GPLD1: variants seen among roughly 807,000 people sequenced by gnomAD.
GPLD1 encodes phosphatidylinositol-glycan-specific phospholipase D.
In GPLD1, 84 loss-of-function variants were observed where a neutral mutation model predicts 112.6. That is an observed-to-expected ratio of 0.75 (90% CI 0.63 to 0.89). The LOEUF (loss-of-function observed/expected upper bound fraction) is 0.89. Among genes scored for constraint, GPLD1 ranks in the 40% least tolerant of loss-of-function variants. The pLI is 0.00. For missense variants in GPLD1, 1,044 were observed against 1,051.5 expected, an observed-to-expected ratio of 0.99 and a Z score of 0.10; for synonymous variants, 386 against 403.8, an observed-to-expected ratio of 0.96 and a Z score of 0.53.
chr6:24,428,061 A>G lies in GPLD1; in HGVS notation c.*971T>C, dbSNP rs560191469. The stretch of plus-strand genomic sequence containing the variant: ...CTTCACATGTACCACTGAACCTAAA[A>G]TAAAAGTTAAAAAGGACTAAGTCAC... On this transcript the variant is annotated 3_prime_UTR_variant, in exon 25 of 25. Coordinates refer to ENST00000230036, the MANE Select transcript of GPLD1 (RefSeq NM_001503.4). The G allele has an allele frequency of 9.9e-5, 15 of 152,158 alleles. No individual in the cohort carries two copies. The highest frequency in any genetic ancestry group is 2.9e-4 in the African/African-American group (12 of 41,516). 9.4% of individuals were successfully genotyped at this position (152,158 alleles called of 1,614,324 possible).
At chr6:24,450,809 T>C (rs1763055696) in intron 14 of GPLD1, among the ~76,000 whole-genome samples, 1 of 152,044 alleles carries the variant, frequency 6.6e-6, no homozygotes, top group African/African-American at 2.4e-5. Flanking sequence ...TCATGTCTAC[T>C]AAAAATACAA....
At chr6:24,458,276 G>A (rs557024157) in intron 12 of GPLD1, among the ~76,000 whole-genome samples, 4 of 152,240 alleles carry the variant, frequency 2.6e-5, no homozygotes, top group Admixed American at 2.0e-4. Flanking sequence ...GCACGAGTAT[G>A]CCTTCTGCTT....
At chr6:24,464,735 G>T (rs141048309) in intron 10 of GPLD1, among the ~76,000 whole-genome samples, 1 of 152,098 alleles carries the variant, frequency 6.6e-6, no homozygotes, top group African/African-American at 2.4e-5. Context: ...CACAGGTCCC[G>T]CCCAGAGAAC....
intron 2 of GPLD1, 69 bp from the exon 3 acceptor site, chr6:24,480,028 A>C: frequency 7.9e-6 from 7 of 886,470 alleles, no homozygotes; most frequent in Non-Finnish European, 1.1e-5. Flanking sequence ...GGCCCCACCA[A>C]TTTTCTGTGA....
At position 24,489,443 on chromosome 6, in the gene GPLD1, C is replaced by G; in HGVS notation, c.69G>C (p.Pro23=). Residue 23 remains proline (P), a synonymous_variant, in exon 1 of 25, where the codon CCG becomes CCC. Transcript: ENST00000230036. ...MLGSLCHRGS[P]CGLSTHVEIG... is the part of the protein sequence containing the mutation. ...TTTCTACGTGTGTTGAAAGGCCACA[C>G]GGTGAACCTCTATGGCAGAGAGAAC... The G allele has an allele frequency of 6.2e-7, 1 of 1,613,106 alleles. No homozygotes were observed. The highest frequency in any genetic ancestry group is 8.5e-7 in the Non-Finnish European group (1 of 1,179,062).
At chr6:24,441,660 A>G (rs1762749464) in intron 20 of GPLD1, among the ~76,000 whole-genome samples, 1 of 152,356 alleles carries the variant, frequency 6.6e-6, no homozygotes, top group Non-Finnish European at 1.5e-5. Context: ...AAAGCTGTAC[A>G]GTGCCGAGAG....
At chr6:24,478,181 G>C (rs1764084871) in intron 3 of GPLD1, among the ~76,000 whole-genome samples, 1 of 152,132 alleles carries the variant, frequency 6.6e-6, no homozygotes, top group Non-Finnish European at 1.5e-5. Context: ...GCTATCAAGG[G>C]ACAGTAGAGC....
rs539431621 is a variant in GPLD1 at position 24,434,713 on chromosome 6, C to T, written c.2359-1324G>A. 9.9e-5 allele frequency among the ~76,000 whole-genome samples: 15 copies of T among 151,670 alleles called. No homozygotes were observed. The East Asian group carries it at 3.0e-3, about 30-fold the overall frequency. ...ATTAGCCAGGCGTGGTAGTGGGCGC[C>T]TGTAGCCCCAGCTACTTGGGAGGCT... On this transcript the variant is annotated intron_variant, in intron 22 of 24. Transcript: ENST00000230036.
upstream of GPLD1, among the ~76,000 whole-genome samples, chr6:24,489,918 T>C (rs2744571): frequency 0.23 from 34,735 of 152,072 alleles, 4,479 homozygotes; most frequent in Non-Finnish European, 0.3. Flanking sequence ...GTCAACATAT[T>C]AGACCACCTC....
intron 13 of GPLD1, among the ~76,000 whole-genome samples, chr6:24,456,078 G>A (rs11755040): frequency 0.22 from 33,764 of 151,988 alleles, 4,732 homozygotes; most frequent in Middle Eastern, 0.31. Flanking sequence ...TCATTGACAA[G>A]CAAGGTGCTA....
At chr6:24,464,114 T>TAAG (rs1763520733) in intron 10 of GPLD1, among the ~76,000 whole-genome samples, 1 of 152,210 alleles carries the variant, frequency 6.6e-6, no homozygotes, top group South Asian at 2.1e-4. Context: ...AACATGCCCT[T>TAAG]ATGTTATGAG....
intron 1 of GPLD1, among the ~76,000 whole-genome samples, chr6:24,486,458 T>C (rs1245788166): frequency 6.6e-6 from 1 of 151,994 alleles, no homozygotes; most frequent in African/African-American, 2.4e-5. Context: ...ACCGTATAGG[T>C]TGGTTGAAAT....
In GPLD1 at chr6:24,448,145, TG is replaced by T; in HGVS notation, c.1509del (p.Ile504PhefsTer19). The T allele has an allele frequency of 2.5e-6, 4 of 1,611,176 alleles. No homozygotes were observed. The highest frequency in any genetic ancestry group is 3.4e-6 in the Non-Finnish European group (4 of 1,179,176). On this transcript the variant is annotated frameshift_variant, in exon 16 of 25. Coordinates refer to ENST00000230036, the MANE Select transcript of GPLD1 (RefSeq NM_001503.4). LOFTEE classifies it high-confidence loss of function. ...QGGMSSSPNI[T>X]ISCQDIYCNL... is the part of the protein sequence containing the mutation. ...AGTGGTAAACATACCTGGCAAGAAA[TG>T]GTGATGTTAGGGGAAGAAGACATTC...
At chr6:24,450,288 G>C (rs989717541) in intron 14 of GPLD1, among the ~76,000 whole-genome samples, 4 of 152,130 alleles carry the variant, frequency 2.6e-5, no homozygotes, top group African/African-American at 9.7e-5. Flanking sequence ...TGAACCTGAG[G>C]TCAGGAGTTC....
rs186370413 is a variant in GPLD1, at chr6:24,468,854, G to A, written c.546-1580C>T. Among the ~76,000 whole-genome samples, 100 of 152,330 alleles carry A rather than the reference G, an allele frequency of 6.6e-4. 2 individuals are homozygous for A. The East Asian group carries it at 0.019, about 29-fold the overall frequency. On this transcript the variant is annotated intron_variant, in intron 7 of 24. Coordinates refer to ENST00000230036, the MANE Select transcript of GPLD1 (RefSeq NM_001503.4). ...CTCCCTAAAATGTACAGATAACCAAGATGTGCTCCAACAGCCTTGGGCACA... is the reference window on the plus strand; with the variant it reads ...CTCCCTAAAATGTACAGATAACCAAAATGTGCTCCAACAGCCTTGGGCACA...
chr6:24,456,662 C>G, intron 12 of GPLD1, 25 bp from the exon 13 acceptor site: 1 of 1,534,746 alleles, frequency 6.5e-7, no homozygotes, highest in Non-Finnish European at 9.0e-7. Flanking sequence ...TCATTATAGA[C>G]AGTAAAGACA....
At chr6:24,436,808 G>A in intron 21 of GPLD1, 72 bp from the exon 22 acceptor site, 1 of 1,477,064 alleles carries the variant, frequency 6.8e-7, no homozygotes, top group South Asian at 1.2e-5. Context: ...TTCCGCTACT[G>A]GATCCTAACC....
Position 24,437,122 on chromosome 6 carries a change from C to A in GPLD1, c.2188G>T (p.Asp730Tyr), listed in dbSNP as rs1331972863. ...CCTGTTCCTTTCTTACCTAAGCCAT[C>A]ATCATCCAGGTCACTCAAGTGCAGA... ...GVLHLSDLDD[D>Y]GLDEIIMAAP... The change falls in exon 21 of 25, where the codon GAT (aspartate) becomes TAT (tyrosine). Residue 730 changes from aspartate to tyrosine, a missense_variant. Physicochemically the swap from Asp to Tyr is radical, Grantham distance 160. Coordinates refer to ENST00000230036, the MANE Select transcript of GPLD1 (RefSeq NM_001503.4). 1 of 1,614,092 alleles carries A rather than the reference C, an allele frequency of 6.2e-7. No homozygotes were observed. Among genetic ancestry groups the A allele is most frequent in the Non-Finnish European group, 8.5e-7 (1 of 1,179,896 alleles).
chr6:24,471,694 C>T (rs1057029627), intron 7 of GPLD1, among the ~76,000 whole-genome samples: 2 of 152,104 alleles, frequency 1.3e-5, no homozygotes, highest in African/African-American at 4.8e-5. Context: ...AAGAGAATAA[C>T]CATTTGCCCT....
Sources: allele counts gnomAD v4.1 joint callset (sites outside exome capture counted in the v4.1 genomes callset), GRCh38; gene constraint gnomAD v4.1.1; transcripts MANE v1.5; gene names NCBI Gene and HGNC (gene_info 2026-07-23, HGNC 2026-07-21).